Variants in MYO18B observed in about 807,000 individuals in gnomAD.
MYO18B encodes the protein myosin XVIIIB.
Under a neutral mutation model 273.0 loss-of-function variants are expected in MYO18B, and 204 were observed. That is an observed-to-expected ratio of 0.75 (90% CI 0.67 to 0.84). The LOEUF (loss-of-function observed/expected upper bound fraction) is 0.84. Ranked by LOEUF, MYO18B falls within the 40% of genes least tolerant of loss-of-function variation. The probability of loss-of-function intolerance (pLI) is 0.00; values close to 1 mark genes in which losing one functional copy is unlikely to be tolerated. For synonymous variants in MYO18B, 1,330 were observed against 1,305.7 expected (o/e 1.02, Z -0.40); for missense variants, 3,212 against 3,287.6 (o/e 0.98, Z 0.56).
chr22:25,895,380 G>C lies in MYO18B; in HGVS notation c.4668+100G>C, dbSNP rs958569697. The C allele has an allele frequency of 7.9e-5, 111 of 1,413,896 alleles. 1 individual carries two copies. The highest frequency in any genetic ancestry group is 7.4e-4 in the Middle Eastern group (4 of 5,424). 87.6% of individuals were successfully genotyped at this position (1,413,896 alleles called of 1,614,324 possible). A position where few individuals can be genotyped will look rare whatever the true frequency, so the allele number is the denominator to read the frequency against. On this transcript the variant is annotated intron_variant, in intron 28 of 43. Coordinates refer to ENST00000335473, the MANE Select transcript of MYO18B (RefSeq NM_032608.7). The stretch of plus-strand genomic sequence containing the variant: ...GAGGTATTAGCTGAGCCTGAAGAGG[G>C]AGGAAGAGGACACAAACCCCTTAAG...
chr22:25,896,352 G>A (rs2091800654), intron 28 of MYO18B: 1 of 152,082 alleles, frequency 6.6e-6, no homozygotes, highest in Admixed American at 6.5e-5. Flanking sequence ...GTTTGTCAAT[G>A]CAACGGTCTT....
At chr22:25,803,520 A>G (rs1386036143) in intron 12 of MYO18B, among the ~76,000 whole-genome samples, 1 of 152,096 alleles carries the variant, frequency 6.6e-6, no homozygotes, top group Non-Finnish European at 1.5e-5. Context: ...CCCATTTTGT[A>G]AAGGAGAGCC....
chr22:25,992,515 G>C, intron 40 of MYO18B, 22 bp downstream of exon 40: 1 of 1,613,308 alleles, frequency 6.2e-7, no homozygotes, highest in Non-Finnish European at 8.5e-7. Flanking sequence ...GGGGCTCGGC[G>C]GGGCTGGGCG....
At chr22:25,887,285 A>G (rs1378159984) in intron 25 of MYO18B, among the ~76,000 whole-genome samples, 1 of 152,140 alleles carries the variant, frequency 6.6e-6, no homozygotes, top group African/African-American at 2.4e-5. Flanking sequence ...AGCAACAGTG[A>G]CGGTCCCAAG....
At chr22:25,802,478 C>T (rs1287917922) in intron 12 of MYO18B, among the ~76,000 whole-genome samples, 3 of 152,060 alleles carry the variant, frequency 2.0e-5, no homozygotes, top group Non-Finnish European at 4.4e-5. Context: ...GGGCCAGGCA[C>T]GGTGGCTCAC....
intron 11 of MYO18B, 58 bp from the exon 12 acceptor site, chr22:25,797,895 G>A (rs2087993180): frequency 6.2e-7 from 1 of 1,612,788 alleles, no homozygotes; most frequent in South Asian, 1.1e-5. Flanking sequence ...CAAGTTGTGA[G>A]CTTGTGTTTT....
At chr22:25,969,823 T>C (rs972830750) in intron 39 of MYO18B, among the ~76,000 whole-genome samples, 3 of 152,252 alleles carry the variant, frequency 2.0e-5, no homozygotes, top group African/African-American at 7.2e-5. Flanking sequence ...GAGACAATTA[T>C]TGCAACTGCT....
intron 15 of MYO18B, among the ~76,000 whole-genome samples, chr22:25,830,497 C>T (rs1011509385): frequency 6.6e-6 from 1 of 152,140 alleles, no homozygotes; most frequent in Non-Finnish European, 1.5e-5. Flanking sequence ...CTCTGATGAT[C>T]TTGGCAGGGC....
intron 42 of MYO18B, among the ~76,000 whole-genome samples, chr22:26,009,451 T>C (rs1934705324): frequency 6.6e-6 from 1 of 152,172 alleles, no homozygotes; most frequent in South Asian, 2.1e-4. Flanking sequence ...GTTACTGTTT[T>C]TCCTTCCTTT....
chr22:25,751,993 TG>T (rs1886424224), intron 1 of MYO18B, among the ~76,000 whole-genome samples: 1 of 152,158 alleles, frequency 6.6e-6, no homozygotes. Flanking sequence ...GAGAGCTCCC[TG>T]GGGTGTCAAA....
At chr22:26,000,163 A>C (rs181334518) in intron 40 of MYO18B, among the ~76,000 whole-genome samples, 2 of 152,362 alleles carry the variant, frequency 1.3e-5, no homozygotes, top group African/African-American at 4.8e-5. Flanking sequence ...ACAAGCAGAC[A>C]TGGACTTGCC....
At position 25,902,746 on chromosome 22, in the gene MYO18B, G is replaced by C. The variant is rs746169859; in HGVS notation, c.4947+10G>C. 1 of 1,572,390 alleles carries C rather than the reference G, an allele frequency of 6.4e-7. No homozygotes were observed. The highest frequency in any genetic ancestry group is 8.6e-7 in the Non-Finnish European group (1 of 1,158,108). Reference sequence around the variant, plus strand: ...TCAGCAGCAGCTGAAGGTAAGGGATGGGGGACACAGAGCTATCTTGGCTCT... The same window carrying C: ...TCAGCAGCAGCTGAAGGTAAGGGATCGGGGACACAGAGCTATCTTGGCTCT... On this transcript the variant is annotated intron_variant, in intron 30 of 43. Coordinates refer to ENST00000335473, the MANE Select transcript of MYO18B (RefSeq NM_032608.7).
At chr22:25,902,898 G>T (rs1164913577) in intron 30 of MYO18B, 162 bp downstream of exon 30, 3 of 761,704 alleles carry the variant, frequency 3.9e-6, no homozygotes, top group Non-Finnish European at 4.1e-6. Flanking sequence ...AATAGCAAAT[G>T]GTGGCTGGTA....
At chr22:26,014,067 A>G (rs1361650642) in intron 42 of MYO18B, among the ~76,000 whole-genome samples, 1 of 152,122 alleles carries the variant, frequency 6.6e-6, no homozygotes, top group African/African-American at 2.4e-5. Flanking sequence ...TTGAAAAATT[A>G]TTTGCCTACT....
chr22:25,947,712 G>C lies in MYO18B; in HGVS notation c.5632G>C (p.Val1878Leu). ...LENMTRNKSLVDEQLYRLQFE... is the reference protein window; with the variant it reads ...LENMTRNKSLLDEQLYRLQFE... The stretch of plus-strand genomic sequence containing the variant: ...TTGACCACTGATCTGCCTCCCCCAG[G>C]TGGATGAGCAGCTGTACAGGCTGCA... The change falls in exon 36 of 44, where the codon GTG becomes CTG. Residue 1878 changes from valine to leucine, a missense_variant and splice_region_variant. Transcript: ENST00000335473. 1.2e-6 allele frequency: 2 copies of C among 1,612,788 alleles called. No individual in the cohort carries two copies. Among genetic ancestry groups the C allele is most frequent in the South Asian group, 2.2e-5 (2 of 90,892 alleles).
intron 39 of MYO18B, among the ~76,000 whole-genome samples, chr22:25,973,010 C>G (rs983403124): frequency 6.6e-6 from 1 of 151,578 alleles, no homozygotes; most frequent in African/African-American, 2.4e-5. Context: ...AGATCTCACC[C>G]ACACAATCCA....
chr22:25,793,933 G>C (rs5761191), intron 11 of MYO18B, among the ~76,000 whole-genome samples: 111,972 of 151,700 alleles, frequency 0.74, 41,442 homozygotes, highest in East Asian at 0.86. Flanking sequence ...CATATTCTTT[G>C]TCTCTCTCTT....
intron 8 of MYO18B, among the ~76,000 whole-genome samples, chr22:25,778,905 A>G (rs1166111136): frequency 6.6e-6 from 1 of 152,104 alleles, no homozygotes; most frequent in African/African-American, 2.4e-5. Flanking sequence ...GCCTGATGTC[A>G]CACAGCAAAT....
chr22:25,785,333 G>A (rs1259378880), intron 10 of MYO18B, 95 bp from the exon 11 acceptor site: 4 of 1,218,348 alleles, frequency 3.3e-6, no homozygotes, highest in South Asian at 2.7e-5. Context: ...GGGTGTCCGG[G>A]CAGTTGTGTG....
Sources: allele counts gnomAD v4.1 joint callset (sites outside exome capture counted in the v4.1 genomes callset), GRCh38; gene constraint gnomAD v4.1.1; transcripts MANE v1.5; gene names NCBI Gene and HGNC (gene_info 2026-07-23, HGNC 2026-07-21).